Variants in NCR3LG1 observed in about 807,000 individuals in gnomAD.
The protein encoded by NCR3LG1 is natural cytotoxicity triggering receptor 3 ligand 1.
NCR3LG1 carries 35 observed loss-of-function variants against 34.8 expected under a neutral mutation model. The ratio of observed to expected loss-of-function variants is 1.01; its 90% CI spans 0.77 to 1.33. The LOEUF is 1.33. NCR3LG1 is among the 40% of genes most tolerant of loss of function. The pLI, the probability that NCR3LG1 is intolerant of heterozygous loss-of-function variation, is 0.00. For missense variants in NCR3LG1, 452 were observed against 423.3 expected (o/e 1.07, Z -0.60); for synonymous variants, 173 against 163.6 (o/e 1.06, Z -0.44).
intron 2 of NCR3LG1, among the ~76,000 whole-genome samples, chr11:17,360,942 C>T (rs1953263720): frequency 4.6e-5 from 7 of 152,038 alleles, no homozygotes; most frequent in Admixed American, 4.6e-4. Flanking sequence ...CGCCGTGTAG[C>T]CCAGGCTGGT....
intron 2 of NCR3LG1, among the ~76,000 whole-genome samples, chr11:17,365,313 C>A (rs367727946): frequency 1.6e-3 from 247 of 152,240 alleles, no homozygotes; most frequent in South Asian, 4.4e-3. Flanking sequence ...CTTATGAACT[C>A]CTTAAATAGG....
chr11:17,362,753 TTTCTTTCTTTCTTTCC>T lies in NCR3LG1; in HGVS notation c.422-4252_422-4237del, dbSNP rs1564856513. On this transcript the variant is annotated intron_variant, in intron 2 of 4. Transcript: ENST00000338965. Reference sequence around the variant, plus strand: ...CTTTCTTTCTTTCTTTCTTTCTTTCTTTCTTTCTTTCTTTCCTTCCTTCCTTCTTTCCTTCTTTCTC... The same window carrying T: ...CTTTCTTTCTTTCTTTCTTTCTTTCTTTCCTTCCTTCTTTCCTTCTTTCTC... Among the ~76,000 whole-genome samples, 242 of 101,398 alleles carry T rather than the reference TTTCTTTCTTTCTTTCC, an allele frequency of 2.4e-3. 22 individuals carry two copies. Among genetic ancestry groups the T allele is most frequent in the African/African-American group, 0.018 (221 of 12,340 alleles). The allele number at this position is 101,398 out of a possible 152,430, so 66.5% of individuals were successfully genotyped here. A position where few individuals can be genotyped will look rare whatever the true frequency, so the allele number is the denominator to read the frequency against.
In NCR3LG1 at chr11:17,376,097, C is replaced by T. The variant is rs1953473957; in HGVS notation, c.*3585C>T. On this transcript the variant is annotated 3_prime_UTR_variant, in exon 5 of 5. Transcript: ENST00000338965. The stretch of plus-strand genomic sequence containing the variant: ...CGTGAAACCCTCTTAAAAATAATCC[C>T]TTTAACAGATGACTTCTTCCCCACC... 1 of 152,184 alleles carries T rather than the reference C, an allele frequency of 6.6e-6. No individual in the cohort carries two copies. Among genetic ancestry groups the T allele is most frequent in the Non-Finnish European group, 1.5e-5 (1 of 68,038 alleles). 9.4% of individuals were successfully genotyped at this position (152,184 alleles called of 1,614,324 possible).
chr11:17,368,838 C>G, intron 3 of NCR3LG1, 29 bp from the exon 4 acceptor site: 1 of 1,441,264 alleles, frequency 6.9e-7, no homozygotes, highest in Non-Finnish European at 9.4e-7. Flanking sequence ...AGTAGGTTTC[C>G]TGCTAATGTT....
intron 1 of NCR3LG1, among the ~76,000 whole-genome samples, chr11:17,354,257 C>A (rs1225284757): frequency 1.3e-5 from 2 of 152,206 alleles, no homozygotes; most frequent in Non-Finnish European, 2.9e-5. Context: ...TCCTTGGAAA[C>A]AAGACTGCAG....
chr11:17,370,499 A>C (rs1268984520), intron 4 of NCR3LG1, among the ~76,000 whole-genome samples: 1 of 152,222 alleles, frequency 6.6e-6, no homozygotes, highest in East Asian at 1.9e-4. Context: ...ACACTGGGCC[A>C]GTTAAAAGCT....
chr11:17,370,826 C>T (rs1953398078), intron 4 of NCR3LG1, among the ~76,000 whole-genome samples: 1 of 152,334 alleles, frequency 6.6e-6, no homozygotes, highest in South Asian at 2.1e-4. Context: ...GCTACTATGT[C>T]TCCTATTCCT....
chr11:17,378,320 A>G (rs541270102), downstream of NCR3LG1, among the ~76,000 whole-genome samples: 1 of 152,314 alleles, frequency 6.6e-6, no homozygotes, highest in African/African-American at 2.4e-5. Flanking sequence ...TTAAGAGAGA[A>G]TGCGGGCTCC....
intron 2 of NCR3LG1, among the ~76,000 whole-genome samples, chr11:17,363,817 G>A (rs1281967819): frequency 1.3e-5 from 2 of 151,750 alleles, no homozygotes; most frequent in African/African-American, 2.4e-5. Flanking sequence ...GGCTGGCCTC[G>A]AACTCCTGAG....
chr11:17,367,849 G>A (rs1232910912), intron 3 of NCR3LG1, among the ~76,000 whole-genome samples: 3 of 147,620 alleles, frequency 2.0e-5, no homozygotes, highest in Non-Finnish European at 4.5e-5. Flanking sequence ...ATGGAGTTTC[G>A]CTCTTGTTGC....
At chr11:17,353,024 G>A (rs1315771794) in intron 1 of NCR3LG1, among the ~76,000 whole-genome samples, 19 of 152,194 alleles carry the variant, frequency 1.2e-4, no homozygotes. Flanking sequence ...CGCTCTGGGC[G>A]CCCCGAGTCA....
chr11:17,354,377 G>C (rs1349256418), intron 1 of NCR3LG1, among the ~76,000 whole-genome samples: 1 of 152,190 alleles, frequency 6.6e-6, no homozygotes, highest in Non-Finnish European at 1.5e-5. Flanking sequence ...TGAGCGCTTG[G>C]GCGCTCTGAA....
intron 2 of NCR3LG1, among the ~76,000 whole-genome samples, chr11:17,362,638 T>TTC (rs71047547): frequency 5.3e-5 from 2 of 37,782 alleles, no homozygotes; most frequent in Non-Finnish European, 1.0e-4. Flanking sequence ...TTTCTTCTTC[T>TTC]TTTTTTTTTT....
rs1384503694 is a variant in NCR3LG1 at position 17,374,907 on chromosome 11, A to G, written c.*2395A>G. 1 of 152,154 alleles carries G rather than the reference A, an allele frequency of 6.6e-6. No individual in the cohort carries two copies. Among genetic ancestry groups the G allele is most frequent in the East Asian group, 1.9e-4 (1 of 5,188 alleles). 9.4% of individuals were successfully genotyped at this position (152,154 alleles called of 1,614,324 possible). ...AAGTCCTTTAATCTTTATGTATCAT[A>G]AAGGAAAGGAATGACCCTGGGAGTT... is the stretch of plus-strand genomic sequence containing the variant. On this transcript the variant is annotated 3_prime_UTR_variant, in exon 5 of 5. Coordinates refer to ENST00000338965, the MANE Select transcript of NCR3LG1 (RefSeq NM_001202439.3).
At chr11:17,355,838 C>T (rs1953198117) in intron 1 of NCR3LG1, among the ~76,000 whole-genome samples, 1 of 152,122 alleles carries the variant, frequency 6.6e-6, no homozygotes, top group Admixed American at 6.5e-5. Context: ...CACTCTGTCA[C>T]TCGGGCTAGA....
intron 2 of NCR3LG1, among the ~76,000 whole-genome samples, chr11:17,361,348 T>C (rs1320372844): frequency 6.6e-6 from 1 of 150,540 alleles, no homozygotes; most frequent in East Asian, 2.0e-4. Context: ...AGTGCAGTGG[T>C]ACAATCTCAG....
chr11:17,366,542 A>G (rs74579935), intron 2 of NCR3LG1, among the ~76,000 whole-genome samples: 10,267 of 152,268 alleles, frequency 0.067, 376 homozygotes, highest in Middle Eastern at 0.092. Context: ...AGCAGTCTCT[A>G]CCACAACAGT....
At position 17,373,688 on chromosome 11, in the gene NCR3LG1, C is replaced by T. The variant is rs1464019954; in HGVS notation, c.*1176C>T. ...CATAGCACAACCATGATGGGCATCT[C>T]AGGAAAGACTTTAACTTGATATTTT... On this transcript the variant is annotated 3_prime_UTR_variant, in exon 5 of 5. Coordinates refer to ENST00000338965, the MANE Select transcript of NCR3LG1 (RefSeq NM_001202439.3). 6.6e-6 allele frequency: 1 copy of T among 152,272 alleles called. No homozygotes were observed. The highest frequency in any genetic ancestry group is 2.4e-5 in the African/African-American group (1 of 41,460). 9.4% of individuals were successfully genotyped at this position (152,272 alleles called of 1,614,324 possible).
At position 17,351,831 on chromosome 11, in the gene NCR3LG1, T is replaced by C; in HGVS notation, c.-139T>C. 1 of 661,286 alleles carries C rather than the reference T, an allele frequency of 1.5e-6. No homozygotes were observed. 41.0% of individuals were successfully genotyped at this position (661,286 alleles called of 1,614,324 possible). The stretch of plus-strand genomic sequence containing the variant: ...GCCGAAGGGATCTGAAGAAGTGGGA[T>C]GTGCAAAAGCGCCGGCTGGAAATCC... On this transcript the variant is annotated 5_prime_UTR_variant, in exon 1 of 5. It removes an upstream start codon present in the reference 5' UTR. Coordinates refer to ENST00000338965, the MANE Select transcript of NCR3LG1 (RefSeq NM_001202439.3).
Sources: allele counts gnomAD v4.1 joint callset (sites outside exome capture counted in the v4.1 genomes callset), GRCh38; gene constraint gnomAD v4.1.1; transcripts MANE v1.5; gene names NCBI Gene and HGNC (gene_info 2026-07-23, HGNC 2026-07-21).